The following BRAF variants were observed in gnomAD, a reference collection of about 807,000 sequenced individuals.
BRAF encodes B-Raf proto-oncogene, serine/threonine kinase, also known as serine/threonine-protein kinase B-raf.
Under a neutral mutation model 104.6 loss-of-function variants are expected in BRAF, and 16 were observed. The observed-to-expected ratio is 0.15, with a 90% CI of 0.10 to 0.23. The LOEUF (loss-of-function observed/expected upper bound fraction) is 0.23. Among genes scored for constraint, BRAF ranks in the 10% least tolerant of loss-of-function variants. The pLI is 1.00. For synonymous variants in BRAF, 310 were observed against 341.6 expected, an observed-to-expected ratio of 0.91 and a Z score of 1.02; for missense variants, 541 against 937.3, an observed-to-expected ratio of 0.58 and a Z score of 5.52.
intron 3 of BRAF, among the ~76,000 whole-genome samples, chr7:140,813,134 TA>T (rs1437172034): frequency 6.6e-6 from 1 of 151,464 alleles, no homozygotes; most frequent in Non-Finnish European, 1.5e-5. Context: ...TGGTGAAAAA[TA>T]TATTTGCAAC....
At chr7:140,882,371 CT>C (rs1232247923) in intron 1 of BRAF, among the ~76,000 whole-genome samples, 7,226 of 126,586 alleles carry the variant, frequency 0.057, 130 homozygotes, top group South Asian at 0.1. Context: ...ATCAAAGTAT[CT>C]TTTTTTTTTT....
intron 1 of BRAF, among the ~76,000 whole-genome samples, chr7:140,872,310 A>C (rs6464123): frequency 6.6e-6 from 1 of 151,958 alleles, no homozygotes; most frequent in African/African-American, 2.4e-5. Context: ...GTTAACTAGC[A>C]AAATGGACAA....
intron 1 of BRAF, among the ~76,000 whole-genome samples, chr7:140,894,113 G>A (rs1814595697): frequency 1.3e-5 from 2 of 152,112 alleles, no homozygotes; most frequent in Non-Finnish European, 2.9e-5. Flanking sequence ...CAGCCTGAGT[G>A]AGAGACCCAG....
At chr7:140,923,278 C>G (rs538331233) in intron 1 of BRAF, among the ~76,000 whole-genome samples, 1 of 152,022 alleles carries the variant, frequency 6.6e-6, no homozygotes, top group Non-Finnish European at 1.5e-5. Context: ...GAACTTCGAG[C>G]AAAGTCAACA....
chr7:140,847,490 G>C (rs764366477), intron 2 of BRAF, among the ~76,000 whole-genome samples: 1 of 151,934 alleles, frequency 6.6e-6, no homozygotes, highest in East Asian at 1.9e-4. Flanking sequence ...GGCTGAGGTA[G>C]GAAAATTGCT....
intron 1 of BRAF, among the ~76,000 whole-genome samples, chr7:140,884,796 A>G (rs1813369332): frequency 6.6e-6 from 1 of 152,040 alleles, no homozygotes; most frequent in South Asian, 2.1e-4. Flanking sequence ...GCTTTTATCT[A>G]TGTAGTTTAT....
At chr7:140,879,433 G>A (rs1812624326) in intron 1 of BRAF, among the ~76,000 whole-genome samples, 1 of 151,452 alleles carries the variant, frequency 6.6e-6, no homozygotes, top group South Asian at 2.1e-4. Context: ...GCCTGCCTCA[G>A]CCTCCCAAAG....
At chr7:140,746,959 G>A (rs1482487469) in intron 17 of BRAF, among the ~76,000 whole-genome samples, 1 of 152,128 alleles carries the variant, frequency 6.6e-6, no homozygotes, top group Non-Finnish European at 1.5e-5. Flanking sequence ...GAATTTACAG[G>A]CAAAATCTGC....
chr7:140,826,896 C>T lies in BRAF; in HGVS notation c.504+7713G>A, dbSNP rs140005825. 3.3e-3 allele frequency among the ~76,000 whole-genome samples: 495 copies of T among 152,300 alleles called. 3 individuals are homozygous for T. The highest frequency in any genetic ancestry group is 0.011 in the African/African-American group (473 of 41,568). On this transcript the variant is annotated intron_variant, in intron 3 of 19. Coordinates refer to ENST00000644969, the MANE Select transcript of BRAF (RefSeq NM_001374258.1). ...AAGTCCCAAGAATGATTCTTCCCCC[C>T]TCAGGATTACACACTGCATTTGGTT...
At chr7:140,890,515 C>G (rs1344094696) in intron 1 of BRAF, among the ~76,000 whole-genome samples, 1 of 152,106 alleles carries the variant, frequency 6.6e-6, no homozygotes, top group Non-Finnish European at 1.5e-5. Flanking sequence ...AGCTAAAACT[C>G]CCTACTCCTT....
intron 1 of BRAF, among the ~76,000 whole-genome samples, chr7:140,853,082 T>C (rs185862070): frequency 6.6e-6 from 1 of 152,314 alleles, no homozygotes; most frequent in East Asian, 1.9e-4. Flanking sequence ...TCCTATTTCA[T>C]GCCTAGAATG....
chr7:140,910,127 T>G (rs1185941295), intron 1 of BRAF, among the ~76,000 whole-genome samples: 2 of 152,178 alleles, frequency 1.3e-5, no homozygotes, highest in Non-Finnish European at 2.9e-5. Flanking sequence ...AAAGTGCACT[T>G]TTTGTCAGCC....
intron 1 of BRAF, among the ~76,000 whole-genome samples, chr7:140,860,600 A>G (rs747618687): frequency 1.4e-4 from 21 of 152,130 alleles, no homozygotes; most frequent in Non-Finnish European, 2.5e-4. Context: ...ACAATAAGAC[A>G]GGAATGCATT....
chr7:140,794,612 A>T, intron 7 of BRAF, 145 bp from the exon 8 acceptor site: 1 of 1,007,816 alleles, frequency 9.9e-7, no homozygotes, highest in South Asian at 1.6e-5. Flanking sequence ...ATGACTTTTA[A>T]AAGTATTAAT....
chr7:140,846,337 T>G (rs533657725), intron 2 of BRAF, among the ~76,000 whole-genome samples: 64 of 152,206 alleles, frequency 4.2e-4, no homozygotes, highest in African/African-American at 1.5e-3. Flanking sequence ...AGGAAAAAAA[T>G]TTTGATATAT....
intron 1 of BRAF, among the ~76,000 whole-genome samples, chr7:140,883,337 G>C (rs893523716): frequency 6.6e-6 from 1 of 152,126 alleles, no homozygotes; most frequent in East Asian, 1.9e-4. Context: ...TTCCTCTATG[G>C]TACCTTTATT....
At chr7:140,819,365 A>C (rs1805226387) in intron 3 of BRAF, among the ~76,000 whole-genome samples, 1 of 152,252 alleles carries the variant, frequency 6.6e-6, no homozygotes, top group African/African-American at 2.4e-5. Flanking sequence ...GGCTATAATA[A>C]AAAAGACAAA....
At chr7:140,758,460 A>AC (rs751424548) in intron 14 of BRAF, among the ~76,000 whole-genome samples, 1 of 150,692 alleles carries the variant, frequency 6.6e-6, no homozygotes, top group African/African-American at 2.4e-5. Flanking sequence ...AGTTTCCTTC[A>AC]CTTTTTTTTT....
intron 5 of BRAF, 64 bp downstream of exon 5, chr7:140,807,896 A>T: frequency 7.5e-7 from 1 of 1,337,108 alleles, no homozygotes. Flanking sequence ...TTCCCTAAAT[A>T]AAAATTCATT....
Sources: gnomAD v4.1 joint callset for allele counts (sites outside exome capture counted in the v4.1 genomes callset) on GRCh38, gnomAD v4.1.1 for gene constraint, MANE v1.5 for transcripts, NCBI Gene and HGNC (gene_info 2026-07-23, HGNC 2026-07-21) for gene names.